Variants in ACOXL observed in about 807,000 individuals in gnomAD.
ACOXL encodes acyl-CoA oxidase like.
Under a neutral mutation model 71.9 loss-of-function variants are expected in ACOXL, and 70 were observed. The observed-to-expected ratio is 0.97, with a 90% confidence interval of 0.80 to 1.19. The LOEUF is 1.19. ACOXL is among the 50% of genes most tolerant of loss of function. The pLI is 0.00. For synonymous variants in ACOXL, 253 were observed against 281.6 expected (o/e 0.90, Z 1.02); for missense variants, 703 against 736.3 (o/e 0.95, Z 0.52).
intron 4 of ACOXL, 121 bp downstream of exon 4, chr2:110,793,857 A>G: frequency 1.0e-6 from 1 of 981,664 alleles, no homozygotes; most frequent in Non-Finnish European, 1.6e-6. Flanking sequence ...GTATCAGCAA[A>G]AATCTTGTTG....
In ACOXL at chr2:110,758,751, CT is replaced by C. The variant is rs1240315852; in HGVS notation, c.-22-9613del. Among the ~76,000 whole-genome samples the C allele has an allele frequency of 5.3e-5, 8 of 152,208 alleles. No individual in the cohort carries two copies. In the East Asian group the frequency reaches 1.5e-3, roughly 29 times the overall value. ...GTTTATTGCTCTTGGTTCTCTTGTTCTTTTAGTTGAGATGTTAGGTTGTTAA... is the reference window on the plus strand; with the variant it reads ...GTTTATTGCTCTTGGTTCTCTTGTTCTTTAGTTGAGATGTTAGGTTGTTAA... On this transcript the variant is annotated intron_variant, in intron 1 of 17. Coordinates refer to ENST00000439055, the MANE Select transcript of ACOXL (RefSeq NM_001142807.4).
intron 15 of ACOXL, among the ~76,000 whole-genome samples, chr2:111,032,080 C>T (rs1010086656): frequency 4.6e-5 from 7 of 152,136 alleles, no homozygotes; most frequent in African/African-American, 1.7e-4. Context: ...AGGGTGTGCA[C>T]ACAGATAAAG....
chr2:110,858,662 A>G, intron 10 of ACOXL, among the ~76,000 whole-genome samples: 1 of 152,238 alleles, frequency 6.6e-6, no homozygotes, highest in South Asian at 2.1e-4. Context: ...AGAGAGTCAG[A>G]TGTAACAAGC....
At chr2:110,829,926 C>T (rs1689614882) in intron 9 of ACOXL, among the ~76,000 whole-genome samples, 1 of 152,148 alleles carries the variant, frequency 6.6e-6, no homozygotes, top group South Asian at 2.1e-4. Flanking sequence ...CTTTCTTGAG[C>T]CCTACTTTTG....
At chr2:110,974,644 C>A (rs2062363871) in intron 12 of ACOXL, among the ~76,000 whole-genome samples, 1 of 152,188 alleles carries the variant, frequency 6.6e-6, no homozygotes, top group African/African-American at 2.4e-5. Context: ...TGCAAAAATG[C>A]AGATGACCTG....
chr2:110,772,636 G>A (rs576916183), intron 2 of ACOXL, among the ~76,000 whole-genome samples: 24 of 152,164 alleles, frequency 1.6e-4, no homozygotes, highest in South Asian at 1.0e-3. Flanking sequence ...GCCTACAACC[G>A]TTCTCTCTCT....
chr2:111,072,696 T>G (rs7576069), intron 16 of ACOXL, among the ~76,000 whole-genome samples: 41,290 of 152,146 alleles, frequency 0.27, 5,646 homozygotes, highest in Middle Eastern at 0.35. Context: ...AATGTTTAGT[T>G]TATCCCTGGC....
intron 3 of ACOXL, among the ~76,000 whole-genome samples, chr2:110,789,112 A>ACAGC (rs1485688089): frequency 6.6e-6 from 1 of 152,184 alleles, no homozygotes; most frequent in Non-Finnish European, 1.5e-5. Context: ...TTGTACTCAC[A>ACAGC]CAGCCAAGTG....
At chr2:110,983,074 C>T (rs112407376) in intron 12 of ACOXL, among the ~76,000 whole-genome samples, 271 of 152,306 alleles carry the variant, frequency 1.8e-3, no homozygotes, top group Non-Finnish European at 2.6e-3. Context: ...ATGGTACAAA[C>T]CCAAGTATGG....
intron 12 of ACOXL, among the ~76,000 whole-genome samples, chr2:110,979,216 T>C (rs1381266081): frequency 1.3e-5 from 2 of 152,136 alleles, no homozygotes; most frequent in East Asian, 1.9e-4. Flanking sequence ...TAAATACCCA[T>C]CTAAAGTGGC....
chr2:110,940,332 T>A (rs191216780), intron 12 of ACOXL, among the ~76,000 whole-genome samples: 1 of 152,326 alleles, frequency 6.6e-6, no homozygotes, highest in East Asian at 1.9e-4. Context: ...TCTGTGGTGA[T>A]CAAAAGAAGC....
chr2:110,828,710 G>T (rs762559151), intron 9 of ACOXL, among the ~76,000 whole-genome samples: 1 of 152,212 alleles, frequency 6.6e-6, no homozygotes, highest in Non-Finnish European at 1.5e-5. Context: ...GAGAAATTGA[G>T]TCATTTGCTC....
At chr2:110,774,395 C>G (rs1682378755) in intron 2 of ACOXL, among the ~76,000 whole-genome samples, 1 of 152,116 alleles carries the variant, frequency 6.6e-6, no homozygotes, top group Non-Finnish European at 1.5e-5. Flanking sequence ...AAAATAGTCT[C>G]TCTGAGCAGA....
rs1046379551 is a variant in ACOXL, at chr2:110,896,979, GA to G, written c.789-11800del. On this transcript the variant is annotated intron_variant, in intron 10 of 17. Transcript: ENST00000439055. ...ACCAAGATACACCATATCTTATCCA[GA>G]AAAAAAAAACTGCAACAAATTTTTA... is the stretch of plus-strand genomic sequence containing the variant. 6.8e-5 allele frequency among the ~76,000 whole-genome samples: 10 copies of G among 147,230 alleles called. 1 individual carries two copies. Among genetic ancestry groups the G allele is most frequent in the Middle Eastern group, 7.0e-3 (2 of 286 alleles).
intron 17 of ACOXL, among the ~76,000 whole-genome samples, chr2:111,110,133 T>C (rs897677664): frequency 7.2e-5 from 11 of 152,208 alleles, no homozygotes; most frequent in African/African-American, 2.7e-4. Flanking sequence ...TAATAACTTA[T>C]TATTGTACTT....
chr2:110,828,495 T>C (rs997928379), intron 9 of ACOXL, among the ~76,000 whole-genome samples: 4 of 152,264 alleles, frequency 2.6e-5, no homozygotes, highest in Non-Finnish European at 4.4e-5. Context: ...TGCACTCTTC[T>C]TGCTTTCTGG....
intron 10 of ACOXL, among the ~76,000 whole-genome samples, chr2:110,854,892 A>C (rs1432734950): frequency 6.6e-6 from 1 of 152,226 alleles, no homozygotes; most frequent in African/African-American, 2.4e-5. Flanking sequence ...CTTCCCTGGA[A>C]TCTGTCCCAC....
intron 1 of ACOXL, among the ~76,000 whole-genome samples, chr2:110,734,417 C>G (rs535339596): frequency 6.6e-6 from 1 of 152,084 alleles, no homozygotes; most frequent in African/African-American, 2.4e-5. Flanking sequence ...TTACAGGCAC[C>G]CACCACCACG....
At chr2:111,041,155 A>T (rs1302602728) in intron 15 of ACOXL, among the ~76,000 whole-genome samples, 1 of 152,100 alleles carries the variant, frequency 6.6e-6, no homozygotes, top group African/African-American at 2.4e-5. Flanking sequence ...CTCAGCTTGG[A>T]CGTGTGGCGC....
Sources: gnomAD v4.1 joint callset for allele counts (sites outside exome capture counted in the v4.1 genomes callset) on GRCh38, gnomAD v4.1.1 for gene constraint, MANE v1.5 for transcripts, NCBI Gene and HGNC (gene_info 2026-07-23, HGNC 2026-07-21) for gene names.